The following ANG variants were observed in gnomAD, a reference collection of about 807,000 sequenced individuals.
ANG encodes Homo sapiens epididymis luminal protein 168.
For synonymous variants in ANG, 74 were observed against 73.8 expected (o/e 1.00, Z -0.02); for missense variants, 178 against 187.4 (o/e 0.95, Z 0.29).
chr14:20,689,945 G>T (rs1273842470), intron 1 of ANG, among the ~76,000 whole-genome samples: 4 of 149,712 alleles, frequency 2.7e-5, no homozygotes, highest in African/African-American at 9.8e-5. Context: ...GCCGGGCGCG[G>T]TGGCTCACGC....
At chr14:20,686,766 C>T (rs906613371), upstream of ANG, among the ~76,000 whole-genome samples, 1 of 152,092 alleles carries the variant, frequency 6.6e-6, no homozygotes, top group South Asian at 2.1e-4. Flanking sequence ...CTGTTACTTC[C>T]GTTATTGAAT....
upstream of ANG, chr14:20,684,219 G>A (rs1270353119): frequency 1.3e-5 from 2 of 152,396 alleles, no homozygotes; most frequent in East Asian, 3.9e-4. Context: ...CGTGGCAGAT[G>A]GTGCTGTCGA....
upstream of ANG, among the ~76,000 whole-genome samples, chr14:20,685,532 A>G (rs904530641): frequency 1.3e-5 from 2 of 152,222 alleles, no homozygotes; most frequent in African/African-American, 4.8e-5. Context: ...TCAGGTATTC[A>G]AGACTTACTT....
At chr14:20,687,982 C>T (rs1245836659), upstream of ANG, among the ~76,000 whole-genome samples, 3 of 152,194 alleles carry the variant, frequency 2.0e-5, no homozygotes. Context: ...ATATTGGAAA[C>T]TATGAGATCT....
At chr14:20,685,177 T>C (rs192776561), upstream of ANG, among the ~76,000 whole-genome samples, 2 of 152,296 alleles carry the variant, frequency 1.3e-5, no homozygotes, top group East Asian at 3.9e-4. Flanking sequence ...GTTTTCTGTT[T>C]ACTCTCCTCT....
At chr14:20,687,085 G>T (rs903104344), upstream of ANG, among the ~76,000 whole-genome samples, 1 of 152,164 alleles carries the variant, frequency 6.6e-6, no homozygotes, top group Non-Finnish European at 1.5e-5. Context: ...TGCAATTGGC[G>T]ATTCCTTCAT....
At position 20,693,654 on chromosome 14, in the gene ANG, C is replaced by T; in HGVS notation, c.90C>T (p.Tyr30=). The change falls in exon 2 of 2, where the codon TAC becomes TAT. Residue 30 remains tyrosine, a synonymous_variant. Coordinates refer to ENST00000397990, the MANE Select transcript of ANG (RefSeq NM_001097577.3). ...CCCTGGCTCAGGATAACTCCAGGTA[C>T]ACACACTTCCTGACCCAGCACTATG... The part of the protein sequence containing the change: ...PPTLAQDNSR[Y]THFLTQHYDA... The T allele has an allele frequency of 6.2e-7, 1 of 1,613,934 alleles. No individual in the cohort carries two copies. The highest frequency in any genetic ancestry group is 8.5e-7 in the Non-Finnish European group (1 of 1,179,820).
Position 20,688,955 on chromosome 14 carries a change from G to T in ANG, c.-19+81G>T, listed in dbSNP as rs1027458875. ...ATGAAACCATTTTCCTCCCTTTAAA[G>T]CCTCCAGGCTCAAGCTCATGAATTA... On this transcript the variant is annotated intron_variant, in intron 1 of 1. Transcript: ENST00000397990. 8.7e-6 allele frequency: 6 copies of T among 691,870 alleles called. No individual in the cohort carries two copies. In the African/African-American group the frequency reaches 1.2e-4, roughly 13 times the overall value. The allele number at this position is 691,870 out of a possible 1,614,324, so 42.9% of individuals were successfully genotyped here.
intron 1 of ANG, 90 bp from the exon 2 acceptor site, chr14:20,693,457 T>C (rs963648604): frequency 1.2e-5 from 18 of 1,526,090 alleles, no homozygotes; most frequent in African/African-American, 6.8e-5. Flanking sequence ...TGATTCATGA[T>C]GCCGTGTCAG....
chr14:20,688,882 A>G lies in ANG; in HGVS notation c.-19+8A>G. ...TAAGATTCTTCCTCCTGGGTAAACT[A>G]TTGTTCAATTTGTTTTATATATTAT... is the stretch of plus-strand genomic sequence containing the variant. On this transcript the variant is annotated splice_region_variant and intron_variant, in intron 1 of 1. Transcript: ENST00000397990. 2 of 982,912 alleles carry G rather than the reference A, an allele frequency of 2.0e-6. No homozygotes were observed. Among genetic ancestry groups the G allele is most frequent in the Non-Finnish European group, 2.4e-6 (2 of 827,700 alleles). The allele number at this position is 982,912 out of a possible 1,614,324, so 60.9% of individuals were successfully genotyped here. A position where few individuals can be genotyped will look rare whatever the true frequency, so the allele number is the denominator to read the frequency against.
chr14:20,687,076 GCAATTGGCGATT>G (rs1350449532), upstream of ANG, among the ~76,000 whole-genome samples: 1 of 152,126 alleles, frequency 6.6e-6, no homozygotes, highest in African/African-American at 2.4e-5. Flanking sequence ...GAGGTTTTTT[GCAATTGGCGATT>G]CCTTCATTTG....
At chr14:20,693,374 G>A (rs150823950) in intron 1 of ANG, 173 bp from the exon 2 acceptor site, 36 of 794,092 alleles carry the variant, frequency 4.5e-5, no homozygotes, top group Middle Eastern at 3.7e-4. Context: ...ACGTTCCGCA[G>A]GAAGGGATTG....
At chr14:20,689,038 G>T (rs1886559784) in intron 1 of ANG, among the ~76,000 whole-genome samples, 164 bp downstream of exon 1, 1 of 152,158 alleles carries the variant, frequency 6.6e-6, no homozygotes, top group South Asian at 2.1e-4. Context: ...TTTTGGGATG[G>T]CCTATGTGTG....
Position 20,694,124 on chromosome 14 carries a change from G to A in ANG, c.*116G>A, listed in dbSNP as rs1886983638. ...AAGGGCCCAAAGAAAGAGCTACCTG[G>A]ACCTTTTGTTTTCTGTTTGACAACA... On this transcript the variant is annotated 3_prime_UTR_variant, in exon 2 of 2. Transcript: ENST00000397990. 1.3e-5 allele frequency: 15 copies of A among 1,147,738 alleles called. No individual in the cohort carries two copies. The South Asian group carries it at 1.8e-4, about 14-fold the overall frequency. 71.1% of individuals were successfully genotyped at this position (1,147,738 alleles called of 1,614,324 possible). A position where few individuals can be genotyped will look rare whatever the true frequency, so the allele number is the denominator to read the frequency against.
At chr14:20,688,917 T>C (rs1886553908) in intron 1 of ANG, 43 bp downstream of exon 1, 2 of 955,618 alleles carry the variant, frequency 2.1e-6, no homozygotes, top group Non-Finnish European at 2.5e-6. Context: ...TTTCTAGCCA[T>C]CCATCCATTT....
At chr14:20,690,239 A>AAAAAAAAAG (rs1886667312) in intron 1 of ANG, among the ~76,000 whole-genome samples, 3 of 149,734 alleles carry the variant, frequency 2.0e-5, no homozygotes, top group African/African-American at 7.4e-5. Flanking sequence ...AAAAAAAAAA[A>AAAAAAAAAG]AAAAAAAAAG....
chr14:20,685,192 C>T (rs1886366905), upstream of ANG, among the ~76,000 whole-genome samples: 1 of 152,180 alleles, frequency 6.6e-6, no homozygotes, highest in African/African-American at 2.4e-5. Context: ...TCCTCTGCCT[C>T]CTCACCCTTA....
chr14:20,688,967 A>G (rs1886556456), intron 1 of ANG, 93 bp downstream of exon 1: 2 of 617,742 alleles, frequency 3.2e-6, no homozygotes, highest in African/African-American at 4.0e-5. Flanking sequence ...CTCCAGGCTC[A>G]AGCTCATGAA....
rs1566602862 is a variant in ANG at position 20,694,010 on chromosome 14, C to T, written c.*2C>T. 6.2e-7 allele frequency: 1 copy of T among 1,614,108 alleles called. No homozygotes were observed. The highest frequency in any genetic ancestry group is 1.1e-5 in the South Asian group (1 of 91,064). On this transcript the variant is annotated 3_prime_UTR_variant, in exon 2 of 2. Coordinates refer to ENST00000397990, the MANE Select transcript of ANG (RefSeq NM_001097577.3). ...CAGTCAATTTTCCGTCGTCCGTAAC[C>T]AGCGGGCCCCTGGTCAAGTGCTGGC...
Sources: allele counts gnomAD v4.1 joint callset (sites outside exome capture counted in the v4.1 genomes callset), GRCh38; gene constraint gnomAD v4.1.1; transcripts MANE v1.5; gene names NCBI Gene and HGNC (gene_info 2026-07-23, HGNC 2026-07-21).